SND1: variants seen among roughly 807,000 people sequenced by gnomAD.
The protein encoded by SND1 is staphylococcal nuclease and tudor domain containing 1.
Under a neutral mutation model 121.7 loss-of-function variants are expected in SND1, and 38 were observed. That is an observed-to-expected ratio of 0.31 (90% CI 0.24 to 0.41). The LOEUF (loss-of-function observed/expected upper bound fraction) is 0.41. SND1 is among the 10% of genes least tolerant of loss of function. The pLI is 1.00. For synonymous variants in SND1, 401 were observed against 447.4 expected, an observed-to-expected ratio of 0.90 and a Z score of 1.31; for missense variants, 868 against 1,184.6, an observed-to-expected ratio of 0.73 and a Z score of 3.92.
chr7:127,698,822 C>G, intron 3 of SND1, 53 bp from the exon 4 acceptor site: 17 of 1,455,584 alleles, frequency 1.2e-5, no homozygotes. Context: ...GGCTCTGTTG[C>G]TGTTGGAGGC....
chr7:128,003,551 C>A (rs1259685945), intron 16 of SND1, among the ~76,000 whole-genome samples: 1 of 152,204 alleles, frequency 6.6e-6, no homozygotes, highest in Non-Finnish European at 1.5e-5. Context: ...CAGCAGCCTG[C>A]ATGTGCCATT....
intron 10 of SND1, among the ~76,000 whole-genome samples, chr7:127,734,814 A>T (rs1312658773): frequency 6.6e-6 from 1 of 152,200 alleles, no homozygotes; most frequent in East Asian, 1.9e-4. Flanking sequence ...GCATTACAGG[A>T]TGAGAAATGC....
intron 11 of SND1, among the ~76,000 whole-genome samples, chr7:127,824,253 C>T (rs541722258): frequency 2.3e-4 from 35 of 152,198 alleles, no homozygotes; most frequent in Non-Finnish European, 4.3e-4. Flanking sequence ...TATACATCCA[C>T]AGCAATAGTG....
intron 13 of SND1, among the ~76,000 whole-genome samples, chr7:127,889,341 G>T (rs888595152): frequency 2.0e-5 from 3 of 151,308 alleles, no homozygotes; most frequent in African/African-American, 7.3e-5. Flanking sequence ...TCATGATCTT[G>T]GTTCTGTTTT....
At chr7:127,874,008 G>C (rs1329459146) in intron 12 of SND1, among the ~76,000 whole-genome samples, 2 of 152,204 alleles carry the variant, frequency 1.3e-5, no homozygotes, top group Non-Finnish European at 2.9e-5. Flanking sequence ...AAAGGGCCAA[G>C]AAGCAGGATG....
At chr7:127,870,179 G>A (rs1356465726) in intron 12 of SND1, among the ~76,000 whole-genome samples, 4 of 152,100 alleles carry the variant, frequency 2.6e-5, no homozygotes, top group Non-Finnish European at 5.9e-5. Context: ...TAATTTTTTG[G>A]TGAGAGGACT....
At chr7:127,868,772 A>G (rs937096747) in intron 12 of SND1, among the ~76,000 whole-genome samples, 2 of 152,228 alleles carry the variant, frequency 1.3e-5, no homozygotes, top group Non-Finnish European at 2.9e-5. Flanking sequence ...CCTCATTTGC[A>G]TGTAATCTCC....
At chr7:127,823,842 ATAT>A (rs1798595802) in intron 11 of SND1, among the ~76,000 whole-genome samples, 1 of 152,202 alleles carries the variant, frequency 6.6e-6, no homozygotes, top group African/African-American at 2.4e-5. Flanking sequence ...AATTTAGATA[ATAT>A]TATAAAGTGA....
At chr7:127,902,859 G>A (rs1271851391) in intron 13 of SND1, among the ~76,000 whole-genome samples, 3 of 151,718 alleles carry the variant, frequency 2.0e-5, no homozygotes, top group Non-Finnish European at 4.4e-5. Flanking sequence ...GATTACAGGT[G>A]TGTGCCACCA....
chr7:128,063,172 A>G (rs948873606), intron 16 of SND1, among the ~76,000 whole-genome samples: 15 of 151,654 alleles, frequency 9.9e-5, no homozygotes, highest in Non-Finnish European at 7.4e-5. Flanking sequence ...TTTGCTCTTC[A>G]CCCCTTCCTT....
At chr7:127,684,119 C>A (rs925126066) in intron 1 of SND1, among the ~76,000 whole-genome samples, 9 of 152,162 alleles carry the variant, frequency 5.9e-5, no homozygotes, top group Non-Finnish European at 1.3e-4. Context: ...TCATCAGTCC[C>A]TCTGTTCTTG....
intron 2 of SND1, among the ~76,000 whole-genome samples, chr7:127,689,104 A>G (rs1254264485): frequency 6.6e-6 from 1 of 152,240 alleles, no homozygotes; most frequent in Non-Finnish European, 1.5e-5. Flanking sequence ...CATATTGAGA[A>G]TATTAGCATA....
chr7:127,987,688 A>G (rs1802425720), intron 15 of SND1, among the ~76,000 whole-genome samples: 1 of 152,202 alleles, frequency 6.6e-6, no homozygotes, highest in African/African-American at 2.4e-5. Flanking sequence ...CACCTCAGTC[A>G]ATACCAGTGT....
intron 13 of SND1, among the ~76,000 whole-genome samples, chr7:127,903,860 A>G (rs1357644522): frequency 1.3e-5 from 2 of 152,146 alleles, no homozygotes; most frequent in South Asian, 2.1e-4. Context: ...CAAAAACCCT[A>G]AAAAGTTGAG....
At chr7:128,012,418 G>GACAGCTGCAGCTGCATTGTAACACATGCC in intron 16 of SND1, among the ~76,000 whole-genome samples, 1 of 152,172 alleles carries the variant, frequency 6.6e-6, no homozygotes, top group Non-Finnish European at 1.5e-5. Flanking sequence ...GGCAATGGAA[G>GACAGCTGCAGCTGCATTGTAACACATGCC]ACAGCTGCAG....
intron 16 of SND1, among the ~76,000 whole-genome samples, chr7:128,050,841 G>A (rs1793032883): frequency 6.6e-6 from 1 of 152,258 alleles, no homozygotes; most frequent in Admixed American, 6.5e-5. Context: ...CTGCCGTGAT[G>A]AAGGGCTCTG....
chr7:128,057,942 C>T (rs954463942), intron 16 of SND1, among the ~76,000 whole-genome samples: 2 of 152,180 alleles, frequency 1.3e-5, no homozygotes, highest in Non-Finnish European at 2.9e-5. Flanking sequence ...GACACAAATC[C>T]ACATTTCCCT....
intron 14 of SND1, among the ~76,000 whole-genome samples, chr7:127,923,586 C>T (rs1800764260): frequency 6.6e-6 from 1 of 152,206 alleles, no homozygotes; most frequent in Non-Finnish European, 1.5e-5. Flanking sequence ...ACTGGCTCTT[C>T]ATCGAATCAT....
At chr7:128,007,957 C>T (rs1803023402) in intron 16 of SND1, 1 of 152,210 alleles carries the variant, frequency 6.6e-6, no homozygotes, top group African/African-American at 2.4e-5. Context: ...ACTTGATGTG[C>T]ACTTTCACAT....
Sources: gnomAD v4.1 joint callset for allele counts (sites outside exome capture counted in the v4.1 genomes callset) on GRCh38, gnomAD v4.1.1 for gene constraint, MANE v1.5 for transcripts, NCBI Gene and HGNC (gene_info 2026-07-23, HGNC 2026-07-21) for gene names.